The following RPS4Y1 variants were observed in gnomAD, a reference collection of about 807,000 sequenced individuals.
The protein encoded by RPS4Y1 is small ribosomal subunit protein eS4, Y isoform 1.
For synonymous variants in RPS4Y1, 23 were observed against 20.8 expected, an observed-to-expected ratio of 1.10 and a Z score of -0.28; for missense variants, 30 against 60.9, an observed-to-expected ratio of 0.49 and a Z score of 1.69.
intron 4 of RPS4Y1, among the ~76,000 whole-genome samples, chrY:2,853,854 CAG>C (rs2051157837): frequency 6.5e-5 from 2 of 30,761 alleles, no homozygotes; most frequent in Admixed American, 2.9e-4. Context: ...TTTTTTGAGA[CAG>C]AGTTTCACTC....
intron 4 of RPS4Y1, among the ~76,000 whole-genome samples, chrY:2,848,292 G>T: frequency 3.0e-5 from 1 of 33,479 alleles, no homozygotes; most frequent in Non-Finnish European, 7.4e-5. Context: ...AAGACCATGA[G>T]TGGGGAGACT....
chrY:2,857,103 C>T (rs1569464817), intron 5 of RPS4Y1, among the ~76,000 whole-genome samples: 1 of 32,814 alleles, frequency 3.0e-5, no homozygotes, highest in African/African-American at 1.2e-4. Context: ...AAAAAAGATA[C>T]GTCAGAGATT....
At chrY:2,847,038 A>G (rs536430230) in intron 4 of RPS4Y1, among the ~76,000 whole-genome samples, 38 of 33,827 alleles carry the variant, frequency 1.1e-3, no homozygotes, top group African/African-American at 4.3e-3. Flanking sequence ...CTTGTGTAAC[A>G]GGTGAGAGAC....
intron 3 of RPS4Y1, 131 bp from the exon 4 acceptor site, chrY:2,845,515 G>A: frequency 6.2e-6 from 1 of 161,434 alleles, no homozygotes; most frequent in Non-Finnish European, 1.2e-5. Flanking sequence ...AAGCACCTCC[G>A]CCAAGCCCTG....
At chrY:2,849,944 C>G (rs551935939) in intron 4 of RPS4Y1, among the ~76,000 whole-genome samples, 3 of 34,302 alleles carry the variant, frequency 8.7e-5, no homozygotes, top group Non-Finnish European at 1.5e-4. Context: ...TGCCTTAGTC[C>G]TGGTCTTGAA....
chrY:2,857,504 C>G, intron 5 of RPS4Y1, among the ~76,000 whole-genome samples: 2 of 33,871 alleles, frequency 5.9e-5, no homozygotes, highest in Non-Finnish European at 7.4e-5. Context: ...CAACCTCCAT[C>G]TCCTGGTTTC....
chrY:2,862,684 TC>T (rs2051164494), intron 5 of RPS4Y1, among the ~76,000 whole-genome samples: 1 of 33,564 alleles, frequency 3.0e-5, no homozygotes, highest in Non-Finnish European at 7.4e-5. Context: ...GTGTCTTAGT[TC>T]CTTCCATGCT....
At chrY:2,844,770 C>A (rs2051151566) in intron 3 of RPS4Y1, among the ~76,000 whole-genome samples, 1 of 33,249 alleles carries the variant, frequency 3.0e-5, no homozygotes, top group Admixed American at 2.7e-4. Context: ...TGTCAGTGAA[C>A]AGGGTTTTGG....
intron 2 of RPS4Y1, among the ~76,000 whole-genome samples, chrY:2,843,090 T>G (rs1052146788): frequency 9.0e-5 from 3 of 33,422 alleles, no homozygotes; most frequent in African/African-American, 2.4e-4. Flanking sequence ...GTTCTGATAT[T>G]TTCAGAGAGA....
Position 2,845,648 on chromosome Y carries a change from G to A in RPS4Y1, c.265G>A (p.Val89Ile). Reference protein sequence around the residue: ...DVTYPAGFMDVISIEKTGEHF... With the variant: ...DVTYPAGFMDIISIEKTGEHF... ...TCCTTATACCCTTTTGTGATCAGATGTCATCAGCATCGAGAAGACAGGTGA... is the reference window on the plus strand; with the variant it reads ...TCCTTATACCCTTTTGTGATCAGATATCATCAGCATCGAGAAGACAGGTGA... Residue 89 changes from valine (V) to isoleucine (I), a missense_variant and splice_region_variant, in exon 4 of 7, where the codon GTC becomes ATC. Val to Ile is a conservative substitution (Grantham distance 29). Transcript: ENST00000250784. 1 of 392,744 alleles carries A rather than the reference G, an allele frequency of 2.5e-6. No individual in the cohort carries two copies. Among genetic ancestry groups the A allele is most frequent in the Non-Finnish European group, 3.6e-6 (1 of 278,241 alleles).
rs1556371594 is a variant in RPS4Y1 at position 2,853,835 on chromosome Y, AT to A, written c.361-751del. Among the ~76,000 whole-genome samples the A allele has an allele frequency of 7.1e-4, 20 of 28,084 alleles. No homozygotes were observed. The East Asian group carries it at 0.011, about 16-fold the overall frequency. 75.3% of individuals were successfully genotyped at this position (28,084 alleles called of 37,273 possible). ...CTAACCTGGTCATAAAAGCCTCATG[AT>A]TTTTTTTTTTTTTGAGACAGAGTTT... On this transcript the variant is annotated intron_variant, in intron 4 of 6. Coordinates refer to ENST00000250784, the MANE Select transcript of RPS4Y1 (RefSeq NM_001008.4).
chrY:2,847,229 C>A, intron 4 of RPS4Y1, among the ~76,000 whole-genome samples: 4 of 33,391 alleles, frequency 1.2e-4, no homozygotes, highest in African/African-American at 4.7e-4. Context: ...CACCAGGGAG[C>A]CTTTTCATAG....
chrY:2,857,260 A>G, intron 5 of RPS4Y1, among the ~76,000 whole-genome samples: 1 of 32,964 alleles, frequency 3.0e-5, no homozygotes, highest in African/African-American at 1.2e-4. Flanking sequence ...CCTTTCTACA[A>G]CCTCTGACAA....
intron 2 of RPS4Y1, 58 bp downstream of exon 2, chrY:2,842,300 G>A (rs2051149692): frequency 3.6e-6 from 1 of 279,258 alleles, no homozygotes; most frequent in Non-Finnish European, 5.5e-6. Flanking sequence ...AAGAGTGCAT[G>A]CTAAATACCT....
intron 5 of RPS4Y1, among the ~76,000 whole-genome samples, chrY:2,861,282 T>G: frequency 3.0e-5 from 1 of 33,278 alleles, no homozygotes; most frequent in Non-Finnish European, 7.4e-5. Context: ...CTTAGTTTGA[T>G]ATGCATCTTT....
intron 1 of RPS4Y1, 114 bp downstream of exon 1, chrY:2,841,741 G>A: frequency 4.2e-6 from 1 of 240,844 alleles, no homozygotes; most frequent in Non-Finnish European, 6.8e-6. Flanking sequence ...GGGTGGGAAT[G>A]CTGCTGGTGC....
chrY:2,866,337 T>C (rs2051167612), intron 6 of RPS4Y1, among the ~76,000 whole-genome samples: 1 of 34,494 alleles, frequency 2.9e-5, no homozygotes, highest in East Asian at 7.6e-4. Context: ...AGTTGGGCCA[T>C]TCTTCTTCTC....
At chrY:2,843,989 T>C in intron 2 of RPS4Y1, 88 bp from the exon 3 acceptor site, 5 of 279,338 alleles carry the variant, frequency 1.8e-5, no homozygotes, top group South Asian at 6.8e-5. Context: ...GCTGAACTTA[T>C]GCAGAACTAA....
intron 5 of RPS4Y1, among the ~76,000 whole-genome samples, chrY:2,860,853 T>A: frequency 3.0e-5 from 1 of 33,638 alleles, no homozygotes. Flanking sequence ...GAGTTCAGCT[T>A]CTTGAATTTG....
Sources: allele counts gnomAD v4.1 joint callset (sites outside exome capture counted in the v4.1 genomes callset), GRCh38; gene constraint gnomAD v4.1.1; transcripts MANE v1.5; gene names NCBI Gene and HGNC (gene_info 2026-07-23, HGNC 2026-07-21).